Variants in CPSF1 observed in about 807,000 individuals in gnomAD.
The protein encoded by CPSF1 is cleavage and polyadenylation specific factor 1, also known as cleavage and polyadenylation specificity factor subunit 1.
Under a neutral mutation model 175.8 loss-of-function variants are expected in CPSF1, and 106 were observed. The ratio of observed to expected loss-of-function variants is 0.60; its 90% confidence interval spans 0.52 to 0.71. CPSF1 has a LOEUF of 0.71. Ranked by LOEUF, CPSF1 falls within the 30% of genes least tolerant of loss-of-function variation. CPSF1 has a pLI of 0.00. For synonymous variants in CPSF1, 1,024 were observed against 858.3 expected, an observed-to-expected ratio of 1.19 and a Z score of -3.37; for missense variants, 1,734 against 2,022.9, an observed-to-expected ratio of 0.86 and a Z score of 2.74.
In CPSF1 at chr8:144,394,218, G is replaced by C. The variant is rs1554862638; in HGVS notation, c.3811+16C>G. On this transcript the variant is annotated intron_variant, in intron 33 of 37. Transcript: ENST00000616140. ...CACCCCCAGAGCCTCAGCTCCCCAG[G>C]GCCCTGCCCACATACCCAGAAAACC... The C allele has an allele frequency of 6.2e-7, 1 of 1,609,116 alleles. No individual in the cohort carries two copies. The highest frequency in any genetic ancestry group is 8.5e-7 in the Non-Finnish European group (1 of 1,177,930).
chr8:144,407,134 C>T (rs143334665), intron 2 of CPSF1, among the ~76,000 whole-genome samples: 56 of 151,960 alleles, frequency 3.7e-4, no homozygotes, highest in Admixed American at 1.1e-3. Flanking sequence ...AGACTGGTCT[C>T]GAACCCATGA....
rs1371004405 is a variant in CPSF1 at position 144,400,729 on chromosome 8, G to A, written c.628C>T (p.His210Tyr). ...AGGAGGGTAGGCTCGTAGTAGCCATGCAGGAACTGCAGGTCGATGATGTTG... is the reference window on the plus strand; with the variant it reads ...AGGAGGGTAGGCTCGTAGTAGCCATACAGGAACTGCAGGTCGATGATGTTG... ...LLNIIDLQFL[H>Y]GYYEPTLLIL... Residue 210 changes from histidine (H) to tyrosine (Y), a missense_variant, in exon 7 of 38, where the codon CAT becomes TAT. His to Tyr is a moderately conservative substitution (Grantham distance 83). Coordinates refer to ENST00000616140, the MANE Select transcript of CPSF1 (RefSeq NM_013291.3). 6.2e-7 allele frequency: 1 copy of A among 1,613,394 alleles called. No homozygotes were observed. The highest frequency in any genetic ancestry group is 2.2e-5 in the East Asian group (1 of 44,856).
At chr8:144,400,145 C>CCCCAG in intron 9 of CPSF1, 21 bp downstream of exon 9, 2 of 1,367,646 alleles carry the variant, frequency 1.5e-6, no homozygotes, top group Non-Finnish European at 2.0e-6. Flanking sequence ...GCCCCCCCCG[C>CCCCAG]CCCAGCCACC....
At position 144,398,135 on chromosome 8, in the gene CPSF1, G is replaced by T; in HGVS notation, c.1895-3C>A. On this transcript the variant is annotated splice_polypyrimidine_tract_variant and splice_region_variant and intron_variant, in intron 19 of 37. Transcript: ENST00000616140. ...GGGGATGAAGTGCAGCTGATTCACT[G>T]TAGGCATGGGGCAGTCAGCATGCGC... 1 of 1,498,076 alleles carries T rather than the reference G, an allele frequency of 6.7e-7. No individual in the cohort carries two copies. Among genetic ancestry groups the T allele is most frequent in the Non-Finnish European group, 8.9e-7 (1 of 1,121,280 alleles). 92.8% of individuals were successfully genotyped at this position (1,498,076 alleles called of 1,614,324 possible).
At position 144,393,238 on chromosome 8, in the gene CPSF1, A is replaced by T; in HGVS notation, c.*80T>A. ...AATGACCACACACTCCTCTCAAGCAAAAAATGTTTTTCCTTGTGTTTTGTA... is the reference window on the plus strand; with the variant it reads ...AATGACCACACACTCCTCTCAAGCATAAAATGTTTTTCCTTGTGTTTTGTA... On this transcript the variant is annotated 3_prime_UTR_variant, in exon 38 of 38. Coordinates refer to ENST00000616140, the MANE Select transcript of CPSF1 (RefSeq NM_013291.3). 7.1e-7 allele frequency: 1 copy of T among 1,417,268 alleles called. No homozygotes were observed. The highest frequency in any genetic ancestry group is 9.4e-7 in the Non-Finnish European group (1 of 1,064,190). 87.8% of individuals were successfully genotyped at this position (1,417,268 alleles called of 1,614,324 possible).
intron 2 of CPSF1, among the ~76,000 whole-genome samples, chr8:144,408,170 A>C (rs1554869678): frequency 6.6e-6 from 1 of 152,030 alleles, no homozygotes. Flanking sequence ...TGTGGAGAAT[A>C]GTCCTGACCA....
In CPSF1 at chr8:144,401,075, C is replaced by T; in HGVS notation, c.388G>A (p.Asp130Asn). The T allele has an allele frequency of 1.2e-6, 2 of 1,605,580 alleles. No homozygotes were observed. Among genetic ancestry groups the T allele is most frequent in the Non-Finnish European group, 1.7e-6 (2 of 1,175,360 alleles). Residue 130 changes from aspartate (D) to asparagine (N), a missense_variant and splice_region_variant, in exon 6 of 38, where the codon GAC becomes AAC. Asp to Asn is a conservative substitution (Grantham distance 23). Transcript: ENST00000616140. The part of the protein sequence containing the change: ...LHYFEEPELR[D>N]GFVQNVHTPR... ...GTGTGTACATTCTGCACAAACCCGT[C>T]CTGGGGGCAGAGGGGGCATCAGCCA...
chr8:144,394,499 C>G lies in CPSF1; in HGVS notation c.3624G>C (p.Thr1208=). 2 of 1,609,772 alleles carry G rather than the reference C, an allele frequency of 1.2e-6. No homozygotes were observed. The highest frequency in any genetic ancestry group is 1.3e-5 in the African/African-American group (1 of 75,034). Reference sequence around the variant, plus strand: ...TGATCATCTGGTGTATGTAGAGCTGCGTGTCGATGAAGGCCATGCCCGTCA... The same window carrying G: ...TGATCATCTGGTGTATGTAGAGCTGGGTGTCGATGAAGGCCATGCCCGTCA... The part of the protein sequence containing the change: ...SELTGMAFID[T]QLYIHQMISV... The change falls in exon 32 of 38, where the codon ACG becomes ACC. Residue 1208 remains threonine (T), a synonymous_variant. Transcript: ENST00000616140.
rs782215528 is a variant in CPSF1, at chr8:144,394,883, C to T, written c.3413G>A (p.Arg1138Gln). The change falls in exon 30 of 38, where the codon CGG (arginine) becomes CAG (glutamine). Residue 1138 changes from arginine (R) to glutamine (Q), a missense_variant and splice_region_variant. Physicochemically the swap from Arg to Gln is conservative, Grantham distance 43. Transcript: ENST00000616140. ...CGCCCCCGCTCACTGGCCCCTTACC[C>T]GCCCTCGGCACGTGACCTCCTCCCC... ...MQGEEVTCRG[R>Q]ILIMDVIEVV... 5.0e-6 allele frequency: 8 copies of T among 1,611,746 alleles called. No homozygotes were observed. The highest frequency in any genetic ancestry group is 1.7e-6 in the Non-Finnish European group (2 of 1,179,346).
In CPSF1 at chr8:144,394,541, G is replaced by C. The variant is rs1554862827; in HGVS notation, c.3582C>G (p.Ser1194Arg). ...SAIGQKIFLWSLRASELTGMA... is the reference protein window; with the variant it reads ...SAIGQKIFLWRLRASELTGMA... Reference sequence around the variant, plus strand: ...TGCCCGTCAGCTCGCTGGCCCGCAGGCTCCACAGGAAAATCTGGGGGCGAG... The same window carrying C: ...TGCCCGTCAGCTCGCTGGCCCGCAGCCTCCACAGGAAAATCTGGGGGCGAG... The change falls in exon 32 of 38, where the codon AGC becomes AGG. Residue 1194 changes from serine (S) to arginine (R), a missense_variant. Ser to Arg is a moderately radical substitution (Grantham distance 110, BLOSUM62 -1). This residue lies in a region of CPSF1 where 62 missense variants were observed against 124.5 expected (regional missense o/e 0.50). Coordinates refer to ENST00000616140, the MANE Select transcript of CPSF1 (RefSeq NM_013291.3). 6 of 1,609,218 alleles carry C rather than the reference G, an allele frequency of 3.7e-6. No individual in the cohort carries two copies. The highest frequency in any genetic ancestry group is 5.1e-6 in the Non-Finnish European group (6 of 1,178,320).
In CPSF1 at chr8:144,398,140, C is replaced by A. The variant is rs1230789685; in HGVS notation, c.1895-8G>T. Reference sequence around the variant, plus strand: ...TGAAGTGCAGCTGATTCACTGTAGGCATGGGGCAGTCAGCATGCGCCTCCC... The same window carrying A: ...TGAAGTGCAGCTGATTCACTGTAGGAATGGGGCAGTCAGCATGCGCCTCCC... On this transcript the variant is annotated splice_polypyrimidine_tract_variant and splice_region_variant and intron_variant, in intron 19 of 37. Transcript: ENST00000616140. The A allele has an allele frequency of 2.7e-6, 4 of 1,476,838 alleles. No individual in the cohort carries two copies. Among genetic ancestry groups the A allele is most frequent in the East Asian group, 6.2e-5 (2 of 32,146 alleles). 91.5% of individuals were successfully genotyped at this position (1,476,838 alleles called of 1,614,324 possible).
At position 144,401,194 on chromosome 8, in the gene CPSF1, C is replaced by T. The variant is rs2116882493; in HGVS notation, c.387+17G>A. ...TGGCTGGGCGGGGCCTGGGCGGGGG[C>T]GGGAGCGCGGCCCTACCCGAAGCTC... On this transcript the variant is annotated intron_variant, in intron 5 of 37. Transcript: ENST00000616140. 166 of 1,199,010 alleles carry T rather than the reference C, an allele frequency of 1.4e-4. No homozygotes were observed. Among genetic ancestry groups the T allele is most frequent in the Non-Finnish European group, 1.7e-4 (147 of 880,394 alleles). 74.3% of individuals were successfully genotyped at this position (1,199,010 alleles called of 1,614,324 possible). A position where few individuals can be genotyped will look rare whatever the true frequency, so the allele number is the denominator to read the frequency against.
intron 2 of CPSF1, among the ~76,000 whole-genome samples, chr8:144,407,344 T>G (rs2116908229): frequency 9.2e-5 from 14 of 152,102 alleles, no homozygotes; most frequent in Middle Eastern, 3.4e-3. Context: ...GCCTCCCATG[T>G]AGCTAGGACT....
Position 144,396,897 on chromosome 8 carries a change from C to G in CPSF1, c.2625G>C (p.Glu875Asp). The G allele has an allele frequency of 6.2e-7, 1 of 1,613,754 alleles. No homozygotes were observed. Among genetic ancestry groups the G allele is most frequent in the Non-Finnish European group, 8.5e-7 (1 of 1,179,902 alleles). ...CGAGCTGAGAGTCGTGGGGGAAGGCCTCGTAGATAAGCAGCTCTTGGTCCA... is the reference window on the plus strand; with the variant it reads ...CGAGCTGAGAGTCGTGGGGGAAGGCGTCGTAGATAAGCAGCTCTTGGTCCA... Reference protein sequence around the residue: ...VHVDQELLIYEAFPHDSQLGQ... With the variant: ...VHVDQELLIYDAFPHDSQLGQ... Residue 875 changes from glutamate to aspartate, a missense_variant, in exon 24 of 38, where the codon GAG becomes GAC. Around this residue, in one of 10 missense-constraint regions of CPSF1, gnomAD observed 585 missense variants for 584.7 expected, o/e 1.00. Transcript: ENST00000616140.
At chr8:144,403,319 C>A (rs943756060) in intron 2 of CPSF1, among the ~76,000 whole-genome samples, 1 of 152,012 alleles carries the variant, frequency 6.6e-6, no homozygotes, top group African/African-American at 2.4e-5. Context: ...GTCTTCAACC[C>A]CTGACCTCAA....
rs1487997357 is a variant in CPSF1, at chr8:144,398,509, A to C, written c.1752+16T>G. ...ACCCCAGCCCCAGGTCCCAGGTCCCAGGCCCTGCCCCTCACCATGGTGGAG... is the reference window on the plus strand; with the variant it reads ...ACCCCAGCCCCAGGTCCCAGGTCCCCGGCCCTGCCCCTCACCATGGTGGAG... On this transcript the variant is annotated intron_variant, in intron 18 of 37. Transcript: ENST00000616140. 2 of 1,613,464 alleles carry C rather than the reference A, an allele frequency of 1.2e-6. No homozygotes were observed. Among genetic ancestry groups the C allele is most frequent in the African/African-American group, 2.7e-5 (2 of 74,858 alleles).
chr8:144,409,206 G>T (rs2116913769), intron 1 of CPSF1, 34 bp from the exon 2 acceptor site: 1 of 1,499,676 alleles, frequency 6.7e-7, no homozygotes, highest in East Asian at 2.6e-5. Flanking sequence ...GGTGAGCGGG[G>T]TCGCCCACGC....
At chr8:144,406,855 C>T (rs2116906459) in intron 2 of CPSF1, among the ~76,000 whole-genome samples, 5 of 152,210 alleles carry the variant, frequency 3.3e-5, no homozygotes, top group Admixed American at 6.5e-5. Flanking sequence ...TTGCACCCTC[C>T]GCAACCCCCA....
At position 144,393,593 on chromosome 8, in the gene CPSF1, G is replaced by T; in HGVS notation, c.4146-3C>A. The T allele has an allele frequency of 6.2e-7, 1 of 1,602,494 alleles. No individual in the cohort carries two copies. ...TGCGGCGGTCCACGTGCAGCATCCTGGGGCGTACAGGCACAGGTGTCAGGG... is the reference window on the plus strand; with the variant it reads ...TGCGGCGGTCCACGTGCAGCATCCTTGGGCGTACAGGCACAGGTGTCAGGG... On this transcript the variant is annotated splice_region_variant and splice_polypyrimidine_tract_variant and intron_variant, in intron 36 of 37. Coordinates refer to ENST00000616140, the MANE Select transcript of CPSF1 (RefSeq NM_013291.3).
Sources: gnomAD v4.1 joint callset for allele counts (sites outside exome capture counted in the v4.1 genomes callset) on GRCh38, gnomAD v4.1.1 for gene constraint, gnomAD v4.1.1 regional missense constraint, MANE v1.5 for transcripts, NCBI Gene and HGNC (gene_info 2026-07-23, HGNC 2026-07-21) for gene names.